Variants in CDH13 observed in about 807,000 individuals in gnomAD.
CDH13 encodes the protein cadherin-13.
CDH13 carries 24 observed loss-of-function variants against 63.8 expected under a neutral mutation model. That is an observed-to-expected ratio of 0.38 (90% CI 0.27 to 0.53). CDH13 has a LOEUF of 0.53. Ranked by LOEUF, CDH13 falls within the 20% of genes least tolerant of loss-of-function variation. CDH13 has a pLI of 0.85. For synonymous variants in CDH13, 503 were observed against 355.3 expected (o/e 1.42, Z -4.67); for missense variants, 1,049 against 903.1 (o/e 1.16, Z -2.07).
intron 4 of CDH13, among the ~76,000 whole-genome samples, chr16:83,167,884 T>A (rs1422221753): frequency 6.6e-6 from 1 of 151,828 alleles, no homozygotes; most frequent in African/African-American, 2.4e-5. Context: ...AAAAATAAAA[T>A]CACAAGCTTT....
chr16:82,716,387 T>C (rs1439825198), intron 1 of CDH13, among the ~76,000 whole-genome samples: 1 of 151,938 alleles, frequency 6.6e-6, no homozygotes, highest in African/African-American at 2.4e-5. Context: ...AGAGATGGCT[T>C]CAGGTTCTGA....
chr16:83,758,740 G>C (rs1913715867), intron 11 of CDH13, among the ~76,000 whole-genome samples: 1 of 152,124 alleles, frequency 6.6e-6, no homozygotes, highest in Non-Finnish European at 1.5e-5. Context: ...CCAGCAGTAA[G>C]CAAATGGAAA....
At position 83,799,901 on chromosome 16, in the gene CDH13, A is replaced by C. The variant is rs748988610; in HGVS notation, c.*4871A>C. On this transcript the variant is annotated 3_prime_UTR_variant, in exon 14 of 14. Coordinates refer to ENST00000567109, the MANE Select transcript of CDH13 (RefSeq NM_001257.5). The stretch of plus-strand genomic sequence containing the variant: ...TGGAGAGACAGCAAAAAATGGTGGG[A>C]ATGGGTGTGTGTATGAGGGTTTCAG... 13 of 152,186 alleles carry C rather than the reference A, an allele frequency of 8.5e-5. No individual in the cohort carries two copies. Among genetic ancestry groups the C allele is most frequent in the Non-Finnish European group, 1.5e-4 (10 of 68,028 alleles). 9.4% of individuals were successfully genotyped at this position (152,186 alleles called of 1,614,324 possible). A position where few individuals can be genotyped will look rare whatever the true frequency, so the allele number is the denominator to read the frequency against.
intron 2 of CDH13, among the ~76,000 whole-genome samples, chr16:82,862,804 G>T (rs1187599014): frequency 1.3e-5 from 2 of 152,218 alleles, no homozygotes; most frequent in African/African-American, 4.8e-5. Flanking sequence ...TGCAGATGCA[G>T]TCGGGCTGCT....
chr16:82,914,316 C>T (rs1299332633), intron 2 of CDH13, among the ~76,000 whole-genome samples: 1 of 152,080 alleles, frequency 6.6e-6, no homozygotes, highest in Non-Finnish European at 1.5e-5. Context: ...TATCATAACC[C>T]GTATAGTCTT....
rs529538686 is a variant in CDH13, at chr16:82,806,865, C to A, written c.46-51497C>A. 6.6e-5 allele frequency among the ~76,000 whole-genome samples: 10 copies of A among 152,130 alleles called. No homozygotes were observed. The East Asian group carries it at 1.5e-3, about 24-fold the overall frequency. On this transcript the variant is annotated intron_variant, in intron 1 of 13. Coordinates refer to ENST00000567109, the MANE Select transcript of CDH13 (RefSeq NM_001257.5). The stretch of plus-strand genomic sequence containing the variant: ...AAGGACAAAACATAACTGAGAAATA[C>A]AGTGTAAAAGGAGGAATTTGCAAAG...
chr16:83,489,985 C>T (rs931108668), intron 7 of CDH13, among the ~76,000 whole-genome samples: 1 of 150,180 alleles, frequency 6.7e-6, no homozygotes, highest in African/African-American at 2.5e-5. Context: ...TCACAAACTC[C>T]TTCAAGAGCA....
chr16:83,422,532 A>G (rs543411876), intron 6 of CDH13, among the ~76,000 whole-genome samples: 1 of 152,354 alleles, frequency 6.6e-6, no homozygotes, highest in East Asian at 1.9e-4. Context: ...GCACGAATTA[A>G]TTAATACTTA....
intron 2 of CDH13, among the ~76,000 whole-genome samples, chr16:82,864,531 C>T (rs2151177500): frequency 6.6e-6 from 1 of 152,062 alleles, no homozygotes; most frequent in African/African-American, 2.4e-5. Flanking sequence ...GGAGGAGCCC[C>T]TTATAAAACC....
At chr16:83,240,612 A>G (rs905126663) in intron 5 of CDH13, among the ~76,000 whole-genome samples, 6 of 150,658 alleles carry the variant, frequency 4.0e-5, no homozygotes, top group African/African-American at 1.5e-4. Flanking sequence ...GTATGTGATG[A>G]AAGAGAGGAG....
chr16:82,841,720 TGTGGTACA>T (rs1237737486), intron 1 of CDH13, among the ~76,000 whole-genome samples: 1 of 152,140 alleles, frequency 6.6e-6, no homozygotes, highest in African/African-American at 2.4e-5. Flanking sequence ...AGCTGTACTT[TGTGGTACA>T]GTGTTATGAT....
At chr16:83,308,892 A>C (rs2325934) in intron 5 of CDH13, among the ~76,000 whole-genome samples, 10,614 of 152,310 alleles carry the variant, frequency 0.07, 527 homozygotes, top group Non-Finnish European at 0.11. Flanking sequence ...CATCAACTAG[A>C]AGAGAGTAGG....
chr16:83,650,760 C>T (rs1471104817), intron 8 of CDH13, among the ~76,000 whole-genome samples: 1 of 152,032 alleles, frequency 6.6e-6, no homozygotes, highest in Non-Finnish European at 1.5e-5. Flanking sequence ...ATTAGGATTA[C>T]GATTAGATTA....
chr16:83,580,062 A>G (rs1020842421), intron 7 of CDH13, among the ~76,000 whole-genome samples: 2 of 152,042 alleles, frequency 1.3e-5, no homozygotes, highest in Admixed American at 1.3e-4. Flanking sequence ...TAGATAATGG[A>G]TGAGGGGAGG....
chr16:82,916,870 A>G (rs935420115), intron 2 of CDH13, among the ~76,000 whole-genome samples: 1 of 152,230 alleles, frequency 6.6e-6, no homozygotes, highest in South Asian at 2.1e-4. Context: ...TATGTGACAC[A>G]TTTAGGTGTT....
intron 5 of CDH13, among the ~76,000 whole-genome samples, chr16:83,241,745 C>T (rs963385180): frequency 9.9e-5 from 15 of 152,150 alleles, no homozygotes; most frequent in South Asian, 4.1e-4. Context: ...ACCCCTTATC[C>T]GATATATGTC....
intron 13 of CDH13, among the ~76,000 whole-genome samples, chr16:83,794,743 A>G (rs1038425391): frequency 6.6e-6 from 1 of 152,070 alleles, no homozygotes; most frequent in African/African-American, 2.4e-5. Flanking sequence ...ACAAAGACAT[A>G]AGGCTCATTG....
chr16:83,673,586 A>G (rs1003986435), intron 9 of CDH13, among the ~76,000 whole-genome samples: 1 of 152,214 alleles, frequency 6.6e-6, no homozygotes, highest in African/African-American at 2.4e-5. Context: ...ACAACAACGA[A>G]AAAAGAAAAA....
chr16:83,046,414 C>T (rs1166002164), intron 3 of CDH13, among the ~76,000 whole-genome samples: 1 of 151,980 alleles, frequency 6.6e-6, no homozygotes, highest in Non-Finnish European at 1.5e-5. Flanking sequence ...TTCTCTATCA[C>T]ACAAAGAAAG....
Sources: gnomAD v4.1 joint callset for allele counts (sites outside exome capture counted in the v4.1 genomes callset) on GRCh38, gnomAD v4.1.1 for gene constraint, MANE v1.5 for transcripts, NCBI Gene and HGNC (gene_info 2026-07-23, HGNC 2026-07-21) for gene names.